TDRD12: variants seen among roughly 807,000 people sequenced by gnomAD.
The protein encoded by TDRD12 is tudor domain containing 12, also known as putative ATP-dependent RNA helicase TDRD12.
In TDRD12, 158 loss-of-function variants were observed where a neutral mutation model predicts 133.5. The ratio of observed to expected loss-of-function variants is 1.18; its 90% CI spans 1.04 to 1.35. The LOEUF (loss-of-function observed/expected upper bound fraction) is 1.35, where lower values mean the gene tolerates loss of function less well. Ranked by LOEUF, TDRD12 falls within the 40% of genes most tolerant of loss-of-function variation. The pLI is 0.00. For synonymous variants in TDRD12, 460 were observed against 477.9 expected, an observed-to-expected ratio of 0.96 and a Z score of 0.49; for missense variants, 1,443 against 1,321.3, an observed-to-expected ratio of 1.09 and a Z score of -1.43.
Position 32,797,743 on chromosome 19 carries a change from AG to A in TDRD12, c.1483del (p.Val495SerfsTer32). ...TTTGTCTGTCTTCGCAGCCTCTCGC[AG>A]TCATCGTGTGCCCTGGGTGGAAGAA... On this transcript the variant is annotated frameshift_variant, in exon 15 of 28. Coordinates refer to ENST00000444215, the Ensembl canonical transcript of TDRD12. LOFTEE classifies it high-confidence loss of function. The A allele has an allele frequency of 1.5e-6, 1 of 687,280 alleles. No homozygotes were observed. The allele number at this position is 687,280 out of a possible 1,614,324, so 42.6% of individuals were successfully genotyped here.
chr19:32,783,239 G>A (rs1311630962), intron 11 of TDRD12, among the ~76,000 whole-genome samples: 1 of 152,174 alleles, frequency 6.6e-6, no homozygotes, highest in African/African-American at 2.4e-5. Flanking sequence ...CCCATTGCTT[G>A]TGTGTGTCAG....
At chr19:32,755,853 CA>C in intron 6 of TDRD12, 138 bp from the exon 7 acceptor site, 1 of 624,610 alleles carries the variant, frequency 1.6e-6, no homozygotes, top group Non-Finnish European at 2.5e-6. Flanking sequence ...GAGCAGGAGT[CA>C]AATCTGTTTC....
chr19:32,752,172 C>G (rs1969849732), intron 6 of TDRD12, among the ~76,000 whole-genome samples: 1 of 151,316 alleles, frequency 6.6e-6, no homozygotes, highest in Non-Finnish European at 1.5e-5. Context: ...TCACACCCAG[C>G]CCCCTTCTTC....
At chr19:32,779,001 G>GACCCAC (rs1363413284) in intron 11 of TDRD12, among the ~76,000 whole-genome samples, 2 of 152,198 alleles carry the variant, frequency 1.3e-5, no homozygotes, top group African/African-American at 2.4e-5. Context: ...GGGACACAGG[G>GACCCAC]ATGACCTGGT....
chr19:32,748,480 G>C (rs1178706230), exon 5 of TDRD12: 1 of 1,551,492 alleles, frequency 6.4e-7, no homozygotes, highest in Non-Finnish European at 8.7e-7. Context: ...TTCCAGACCT[G>C]CCAAGAAGTG....
At chr19:32,719,866 A>G (rs1475419312) in exon 1 of TDRD12, 5 of 616,222 alleles carry the variant, frequency 8.1e-6, no homozygotes, top group African/African-American at 5.5e-5. Context: ...GACGGAGCGC[A>G]TTGCCTCGAG....
At chr19:32,798,434 A>G in exon 16 of TDRD12, 1 of 1,532,214 alleles carries the variant, frequency 6.5e-7, no homozygotes, top group Non-Finnish European at 8.7e-7. Flanking sequence ...GCCAATGAAC[A>G]GGTGAGCGTG....
Position 32,801,863 on chromosome 19 carries a change from AATTAT to A in TDRD12, c.2192_2196del (p.Ile731SerfsTer39), listed in dbSNP as rs1235671042. ...AGAAGAAGTTAAGTTCTGGCTCTCAAATTATATTAGGTAAGTGTTTTAATTTCTAC... is the reference window on the plus strand; with the variant it reads ...AGAAGAAGTTAAGTTCTGGCTCTCAAATTAGGTAAGTGTTTTAATTTCTAC... On this transcript the variant is annotated frameshift_variant, in exon 19 of 28. Transcript: ENST00000444215. LOFTEE classifies it high-confidence loss of function. The A allele has an allele frequency of 1.1e-5, 14 of 1,308,014 alleles. No individual in the cohort carries two copies. The highest frequency in any genetic ancestry group is 2.6e-5 in the East Asian group (1 of 38,228). The allele number at this position is 1,308,014 out of a possible 1,614,324, so 81.0% of individuals were successfully genotyped here. A position where few individuals can be genotyped will look rare whatever the true frequency, so the allele number is the denominator to read the frequency against.
intron 1 of TDRD12, among the ~76,000 whole-genome samples, chr19:32,729,203 T>G (rs1173757954): frequency 6.8e-6 from 1 of 148,060 alleles, no homozygotes; most frequent in Non-Finnish European, 1.5e-5. Flanking sequence ...CTGCTTTTTC[T>G]TTTTCTTTTT....
chr19:32,777,129 T>A lies in TDRD12; in HGVS notation c.1041-20T>A, dbSNP rs1162527354. ...GCTGCTGTTCACAAATTTTAATGAA[T>A]TTTTTTTTTTCATTTCTAGTGCTTT... On this transcript the variant is annotated intron_variant, in intron 10 of 27. Transcript: ENST00000444215. 9.3e-7 allele frequency: 1 copy of A among 1,070,426 alleles called. No homozygotes were observed. The highest frequency in any genetic ancestry group is 3.5e-5 in the East Asian group (1 of 28,658). 66.3% of individuals were successfully genotyped at this position (1,070,426 alleles called of 1,614,324 possible).
At chr19:32,761,373 G>T in intron 8 of TDRD12, among the ~76,000 whole-genome samples, 1 of 151,910 alleles carries the variant, frequency 6.6e-6, no homozygotes, top group East Asian at 1.9e-4. Context: ...CTCGTGATCC[G>T]CCCGCCTCGG....
chr19:32,817,796 G>T (rs1568496855), intron 26 of TDRD12, among the ~76,000 whole-genome samples: 1 of 150,638 alleles, frequency 6.6e-6, no homozygotes, highest in Non-Finnish European at 1.5e-5. Flanking sequence ...TCTCTTCAGG[G>T]CTCTTCCGGG....
intron 21 of TDRD12, among the ~76,000 whole-genome samples, chr19:32,806,950 C>G (rs1971568267): frequency 1.3e-5 from 2 of 152,208 alleles, no homozygotes; most frequent in Admixed American, 6.5e-5. Flanking sequence ...GCACGAGCCA[C>G]TGTGCTCGGC....
At chr19:32,724,773 C>T (rs763196882) in intron 1 of TDRD12, among the ~76,000 whole-genome samples, 19 of 152,088 alleles carry the variant, frequency 1.2e-4, no homozygotes, top group African/African-American at 2.2e-4. Context: ...GGTTCTAGAT[C>T]TTTGAGGAAT....
At chr19:32,763,333 G>A (rs1220498014) in intron 8 of TDRD12, among the ~76,000 whole-genome samples, 1 of 152,188 alleles carries the variant, frequency 6.6e-6, no homozygotes, top group African/African-American at 2.4e-5. Flanking sequence ...ATTAGAGTCA[G>A]TCTTCTAGGG....
downstream of TDRD12, chr19:32,821,294 G>A (rs768102245): frequency 2.3e-5 from 16 of 708,116 alleles, no homozygotes; most frequent in Non-Finnish European, 3.2e-5. Flanking sequence ...TCAGCCCCCA[G>A]TGTTTTGTTT....
chr19:32,800,200 ATTGAAG>A lies in TDRD12; in HGVS notation c.1799_1804del (p.Val600_Glu601del), dbSNP rs1971346487. ...TATATTAGATAACTTTAAAAAAAATATTGAAGTTGAAGAAAGGGAATCTGCACCACA... is the reference window on the plus strand; with the variant it reads ...TATATTAGATAACTTTAAAAAAAATATTGAAGAAAGGGAATCTGCACCACA... On this transcript the variant is annotated inframe_deletion, in exon 17 of 28. Transcript: ENST00000444215. 5 of 1,519,662 alleles carry A rather than the reference ATTGAAG, an allele frequency of 3.3e-6. No individual in the cohort carries two copies. In the East Asian group the frequency reaches 7.3e-5, roughly 22 times the overall value. 94.1% of individuals were successfully genotyped at this position (1,519,662 alleles called of 1,614,324 possible).
chr19:32,755,511 C>G (rs1294322247), intron 6 of TDRD12, among the ~76,000 whole-genome samples: 1 of 152,144 alleles, frequency 6.6e-6, no homozygotes, highest in Non-Finnish European at 1.5e-5. Context: ...AGATTGTTTG[C>G]CCATATTTTA....
intron 11 of TDRD12, among the ~76,000 whole-genome samples, chr19:32,786,711 G>T (rs1038121256): frequency 6.6e-6 from 1 of 151,888 alleles, no homozygotes; most frequent in Admixed American, 6.6e-5. Flanking sequence ...CCACTTGATC[G>T]AATTGGCTGT....
Sources: allele counts gnomAD v4.1 joint callset (sites outside exome capture counted in the v4.1 genomes callset), GRCh38; gene constraint gnomAD v4.1.1; transcripts MANE v1.5; gene names NCBI Gene and HGNC (gene_info 2026-07-23, HGNC 2026-07-21).